The following CEP128 variants were observed in gnomAD, a reference collection of about 807,000 sequenced individuals.
CEP128 encodes centrosomal protein 128.
In CEP128, 132 loss-of-function variants were observed where a neutral mutation model predicts 156.7. The observed-to-expected ratio is 0.84, with a 90% CI of 0.73 to 0.97. The LOEUF is 0.97. CEP128 is among the 50% of genes least tolerant of loss of function. CEP128 has a pLI of 0.00. For missense variants in CEP128, 1,252 were observed against 1,281.9 expected (o/e 0.98, Z 0.36); for synonymous variants, 469 against 448.9 (o/e 1.04, Z -0.57).
intron 13 of CEP128, among the ~76,000 whole-genome samples, chr14:80,802,151 C>G (rs1285786785): frequency 6.6e-6 from 1 of 151,874 alleles, no homozygotes; most frequent in Non-Finnish European, 1.5e-5. Context: ...AATCTAGAAC[C>G]AGAAATACCA....
At chr14:80,547,526 G>A (rs574272712) in intron 21 of CEP128, among the ~76,000 whole-genome samples, 1 of 152,170 alleles carries the variant, frequency 6.6e-6, no homozygotes. Context: ...GACTTCTCTT[G>A]AATAGGGTGA....
intron 18 of CEP128, among the ~76,000 whole-genome samples, chr14:80,754,590 G>A (rs1899554564): frequency 6.6e-6 from 1 of 150,972 alleles, no homozygotes; most frequent in South Asian, 2.1e-4. Flanking sequence ...AGCCTCCCGA[G>A]TAGCTGGGAC....
chr14:80,793,217 G>C, intron 13 of CEP128, 107 bp from the exon 14 acceptor site: 1 of 805,498 alleles, frequency 1.2e-6, no homozygotes, highest in Non-Finnish European at 1.9e-6. Flanking sequence ...GAAATCATCT[G>C]TATTAAAATT....
chr14:80,610,330 A>C (rs1892946802), intron 19 of CEP128, among the ~76,000 whole-genome samples: 1 of 152,124 alleles, frequency 6.6e-6, no homozygotes, highest in African/African-American at 2.4e-5. Flanking sequence ...TACTACTATC[A>C]CTAATTTAAC....
At chr14:80,514,615 T>A in intron 23 of CEP128, 1 of 321,860 alleles carries the variant, frequency 3.1e-6, no homozygotes, top group Non-Finnish European at 6.3e-6. Flanking sequence ...AATAGGATTC[T>A]AAATTCCTTC....
rs1041367865 is a variant in CEP128, at chr14:80,938,022, G to A, written c.-16+1363C>T. 2.6e-5 allele frequency among the ~76,000 whole-genome samples: 4 copies of A among 151,060 alleles called. No homozygotes were observed. The East Asian group carries it at 7.8e-4, about 30-fold the overall frequency. ...AGTGATCATTCCACCTCAGCCTCCC[G>A]AGTAGCAGGGACCAAAGGCACATGC... On this transcript the variant is annotated intron_variant, in intron 2 of 24. Coordinates refer to ENST00000555265, the MANE Select transcript of CEP128 (RefSeq NM_152446.5).
At chr14:80,891,858 A>G (rs1362239765) in intron 8 of CEP128, among the ~76,000 whole-genome samples, 2 of 151,904 alleles carry the variant, frequency 1.3e-5, no homozygotes, top group Non-Finnish European at 2.9e-5. Flanking sequence ...AAATTTAACA[A>G]AGGTGAAAAT....
At chr14:80,721,956 T>G (rs1324451562) in intron 19 of CEP128, among the ~76,000 whole-genome samples, 2 of 152,208 alleles carry the variant, frequency 1.3e-5, no homozygotes, top group Non-Finnish European at 2.9e-5. Context: ...ACTGTGCTAG[T>G]CATGGAACAC....
intron 19 of CEP128, among the ~76,000 whole-genome samples, chr14:80,628,953 T>C (rs1354200238): frequency 1.3e-5 from 2 of 152,230 alleles, no homozygotes; most frequent in East Asian, 1.9e-4. Flanking sequence ...ATGTTACAAA[T>C]GAATTTTCTT....
At chr14:80,929,196 A>G (rs915903381) in intron 2 of CEP128, among the ~76,000 whole-genome samples, 4 of 152,210 alleles carry the variant, frequency 2.6e-5, no homozygotes, top group Non-Finnish European at 5.9e-5. Context: ...CAGAATGGCC[A>G]TTATTAAAAT....
chr14:80,863,017 A>T (rs1416269309), intron 8 of CEP128, 144 bp from the exon 9 acceptor site: 1 of 530,224 alleles, frequency 1.9e-6, no homozygotes, highest in South Asian at 3.3e-5. Flanking sequence ...TAATGACGCT[A>T]ACATGAAATA....
chr14:80,784,873 C>T, intron 15 of CEP128, 22 bp downstream of exon 15: 1 of 1,565,028 alleles, frequency 6.4e-7, no homozygotes, highest in Admixed American at 1.9e-5. Context: ...TCAGTATCAT[C>T]AGGATAATTT....
At chr14:80,856,021 A>G (rs1306539946) in intron 9 of CEP128, among the ~76,000 whole-genome samples, 1 of 152,166 alleles carries the variant, frequency 6.6e-6, no homozygotes, top group Non-Finnish European at 1.5e-5. Context: ...CTACTTCTTC[A>G]TTAGGTTTTT....
At position 80,660,922 on chromosome 14, in the gene CEP128, A is replaced by G. The variant is rs78121324; in HGVS notation, c.2807-80499T>C. 6.8e-3 allele frequency among the ~76,000 whole-genome samples: 1,034 copies of G among 152,294 alleles called. 11 individuals are homozygous for G. Among genetic ancestry groups the G allele is most frequent in the African/African-American group, 0.024 (997 of 41,570 alleles). ...CTCCAAAAAAATTCTACTCAATAGCATTAGCCGAGTCACTGCTTTGTCATA... is the reference window on the plus strand; with the variant it reads ...CTCCAAAAAAATTCTACTCAATAGCGTTAGCCGAGTCACTGCTTTGTCATA... On this transcript the variant is annotated intron_variant, in intron 19 of 24. Coordinates refer to ENST00000555265, the MANE Select transcript of CEP128 (RefSeq NM_152446.5).
At chr14:80,538,360 G>C (rs111687308) in intron 21 of CEP128, among the ~76,000 whole-genome samples, 2,689 of 152,242 alleles carry the variant, frequency 0.018, 76 homozygotes, top group African/African-American at 0.062. Flanking sequence ...TAAAGTAATA[G>C]AAGTGTAATA....
At chr14:80,878,382 A>G (rs922347936) in intron 8 of CEP128, among the ~76,000 whole-genome samples, 1 of 152,140 alleles carries the variant, frequency 6.6e-6, no homozygotes, top group Non-Finnish European at 1.5e-5. Flanking sequence ...CAAGGAATGG[A>G]GTCATCTCTG....
chr14:80,916,561 T>C lies in CEP128; in HGVS notation c.-14A>G. ...TGATTCTGCCATTGATGTACACAAA[T>C]CCTTTTAAATAAATATAGGTCAAAG... is the stretch of plus-strand genomic sequence containing the variant. On this transcript the variant is annotated splice_region_variant and 5_prime_UTR_variant, in exon 3 of 25. Coordinates refer to ENST00000555265, the MANE Select transcript of CEP128 (RefSeq NM_152446.5). The C allele has an allele frequency of 6.2e-7, 1 of 1,607,248 alleles. No individual in the cohort carries two copies. Among genetic ancestry groups the C allele is most frequent in the Non-Finnish European group, 8.5e-7 (1 of 1,176,660 alleles).
intron 2 of CEP128, among the ~76,000 whole-genome samples, chr14:80,950,113 G>C (rs564759872): frequency 6.6e-6 from 1 of 152,242 alleles, no homozygotes; most frequent in African/African-American, 2.4e-5. Context: ...TGGACACAGA[G>C]ACACACAAAG....
At chr14:80,747,919 T>C (rs1024431429) in intron 18 of CEP128, among the ~76,000 whole-genome samples, 2 of 152,210 alleles carry the variant, frequency 1.3e-5, no homozygotes, top group Admixed American at 6.5e-5. Context: ...CTTGAGGTGA[T>C]GAAAGTGTTC....
Sources: allele counts gnomAD v4.1 joint callset (sites outside exome capture counted in the v4.1 genomes callset), GRCh38; gene constraint gnomAD v4.1.1; transcripts MANE v1.5; gene names NCBI Gene and HGNC (gene_info 2026-07-23, HGNC 2026-07-21).